Variants in PDZD2 observed in about 807,000 individuals in gnomAD.
The protein encoded by PDZD2 is PDZ domain containing 2.
PDZD2 carries 90 observed loss-of-function variants against 220.7 expected under a neutral mutation model. The observed-to-expected ratio is 0.41, with a 90% confidence interval of 0.34 to 0.49. The LOEUF is 0.49. Ranked by LOEUF, PDZD2 falls within the 20% of genes least tolerant of loss-of-function variation. The pLI is 0.28. For missense variants in PDZD2, 3,174 were observed against 3,608.5 expected (o/e 0.88, Z 3.08); for synonymous variants, 1,375 against 1,450.5 (o/e 0.95, Z 1.18).
chr5:31,934,721 T>A (rs555633472), intron 2 of PDZD2, among the ~76,000 whole-genome samples: 6 of 151,820 alleles, frequency 4.0e-5, no homozygotes, highest in African/African-American at 1.4e-4. Flanking sequence ...AACTAGGTTA[T>A]GTCAATACAA....
intron 2 of PDZD2, among the ~76,000 whole-genome samples, chr5:31,924,314 G>T (rs1744550037): frequency 6.6e-6 from 1 of 152,188 alleles, no homozygotes; most frequent in Non-Finnish European, 1.5e-5. Context: ...TGCCAATTAG[G>T]TGGACTGTGC....
intron 1 of PDZD2, among the ~76,000 whole-genome samples, chr5:31,761,248 A>G (rs1751634558): frequency 6.6e-6 from 1 of 152,216 alleles, no homozygotes; most frequent in South Asian, 2.1e-4. Flanking sequence ...AAAAATAACA[A>G]GGGCAGCAGC....
chr5:31,771,781 G>A (rs1329858657), intron 1 of PDZD2, among the ~76,000 whole-genome samples: 4 of 152,186 alleles, frequency 2.6e-5, no homozygotes, highest in South Asian at 2.1e-4. Context: ...GACAGTTGAC[G>A]CAAGAGTGAT....
chr5:31,822,332 A>C (rs1346056311), intron 2 of PDZD2, among the ~76,000 whole-genome samples: 1 of 137,366 alleles, frequency 7.3e-6, no homozygotes, highest in Non-Finnish European at 1.5e-5. Flanking sequence ...GCTGGAGTGC[A>C]GTGGCATGAT....
At chr5:31,684,282 T>C (rs1746763587) in intron 1 of PDZD2, among the ~76,000 whole-genome samples, 1 of 152,176 alleles carries the variant, frequency 6.6e-6, no homozygotes, top group African/African-American at 2.4e-5. Context: ...CCCCTGCTCA[T>C]CTTCTCTTTC....
At chr5:31,647,049 A>G (rs1199818925) in intron 1 of PDZD2, among the ~76,000 whole-genome samples, 2 of 152,066 alleles carry the variant, frequency 1.3e-5, no homozygotes, top group East Asian at 3.9e-4. Flanking sequence ...GCAGCTGTGG[A>G]GCTGCAGTCC....
intron 18 of PDZD2, among the ~76,000 whole-genome samples, chr5:32,076,302 A>C (rs1199705995): frequency 1.3e-5 from 2 of 151,668 alleles, no homozygotes; most frequent in African/African-American, 2.4e-5. Flanking sequence ...AAAAAAAAAA[A>C]AAAAAAACAA....
Position 31,893,478 on chromosome 5 carries a change from G to A in PDZD2, c.477-89677G>A, listed in dbSNP as rs185630207. Among the ~76,000 whole-genome samples the A allele has an allele frequency of 5.8e-3, 879 of 152,274 alleles. 3 individuals are homozygous for A. The highest frequency in any genetic ancestry group is 8.1e-3 in the Admixed American group (124 of 15,286). ...CAGCTACTCAGGAGGGCTGAGGCAC[G>A]AGAATCACTTGAACCTGGGAGGCAG... is the stretch of plus-strand genomic sequence containing the variant. On this transcript the variant is annotated intron_variant, in intron 2 of 24. Coordinates refer to ENST00000438447, the MANE Select transcript of PDZD2 (RefSeq NM_178140.4).
At chr5:32,091,222 T>G in intron 20 of PDZD2, 47 bp downstream of exon 20, 1 of 1,408,064 alleles carries the variant, frequency 7.1e-7, no homozygotes, top group South Asian at 1.5e-5. Context: ...TTGTTTCATT[T>G]TGGAATAGTT....
chr5:31,921,673 G>A (rs941229252), intron 2 of PDZD2, among the ~76,000 whole-genome samples: 1 of 152,162 alleles, frequency 6.6e-6, no homozygotes, highest in Non-Finnish European at 1.5e-5. Flanking sequence ...CTGGGTGACA[G>A]AGTGAGACCC....
At chr5:31,756,971 G>A (rs890167259) in intron 1 of PDZD2, among the ~76,000 whole-genome samples, 2 of 152,200 alleles carry the variant, frequency 1.3e-5, no homozygotes, top group Non-Finnish European at 2.9e-5. Context: ...AGTTGGCCAG[G>A]GCCTGTAGTT....
chr5:31,870,302 T>C (rs564011728), intron 2 of PDZD2, among the ~76,000 whole-genome samples: 2 of 152,334 alleles, frequency 1.3e-5, no homozygotes, highest in East Asian at 3.9e-4. Context: ...CAAAAAGTTA[T>C]CAGAAATGAG....
At chr5:31,857,551 A>T (rs577613458) in intron 2 of PDZD2, among the ~76,000 whole-genome samples, 5 of 152,280 alleles carry the variant, frequency 3.3e-5, no homozygotes, top group African/African-American at 1.2e-4. Flanking sequence ...GTTAGAAAGC[A>T]TTGCTTTTCT....
chr5:31,652,798 G>A (rs1745399751), intron 1 of PDZD2, among the ~76,000 whole-genome samples: 2 of 152,140 alleles, frequency 1.3e-5, no homozygotes, highest in African/African-American at 4.8e-5. Flanking sequence ...ATCACTTGAG[G>A]TCAGGAGTTC....
At chr5:31,882,650 G>C (rs1740031295) in intron 2 of PDZD2, among the ~76,000 whole-genome samples, 2 of 152,106 alleles carry the variant, frequency 1.3e-5, no homozygotes. Flanking sequence ...GATCATTTTA[G>C]GCTTGCTTTT....
At chr5:32,041,937 C>G (rs539401918) in intron 7 of PDZD2, among the ~76,000 whole-genome samples, 21 of 147,866 alleles carry the variant, frequency 1.4e-4, no homozygotes, top group African/African-American at 5.2e-4. Context: ...CATCAATTGC[C>G]GGGCTCGGTG....
At chr5:32,056,596 A>G (rs1739104613) in intron 10 of PDZD2, among the ~76,000 whole-genome samples, 2 of 152,172 alleles carry the variant, frequency 1.3e-5, no homozygotes, top group African/African-American at 4.8e-5. Context: ...TTCCTAGCAG[A>G]CGCTATCAAC....
At position 32,000,397 on chromosome 5, in the gene PDZD2, G is replaced by T; in HGVS notation, c.1254+126G>T. On this transcript the variant is annotated intron_variant, in intron 5 of 24. Coordinates refer to ENST00000438447, the MANE Select transcript of PDZD2 (RefSeq NM_178140.4). The surrounding 1 kb of genome is among the most constrained non-coding windows in gnomAD (Gnocchi z 4.5). ...ACTTGTACGTTTGCCTTGGGCTATT[G>T]AAACAGCCTTGCTTCCACAGGGCAA... The T allele has an allele frequency of 1.0e-6, 1 of 1,001,776 alleles. No homozygotes were observed. Among genetic ancestry groups the T allele is most frequent in the Non-Finnish European group, 1.6e-6 (1 of 642,036 alleles). 62.1% of individuals were successfully genotyped at this position (1,001,776 alleles called of 1,614,324 possible).
intron 2 of PDZD2, among the ~76,000 whole-genome samples, chr5:31,949,527 C>T (rs1401861753): frequency 2.0e-5 from 3 of 152,124 alleles, no homozygotes; most frequent in Non-Finnish European, 4.4e-5. Flanking sequence ...TGGTCTACCC[C>T]ATTCTTCTTG....
Sources: allele counts gnomAD v4.1 joint callset (sites outside exome capture counted in the v4.1 genomes callset), GRCh38; gene constraint gnomAD v4.1.1; non-coding constraint Gnocchi (gnomAD v3.1); transcripts MANE v1.5; gene names NCBI Gene and HGNC (gene_info 2026-07-23, HGNC 2026-07-21).